Variants in SNX27 observed in about 807,000 individuals in gnomAD.
The protein encoded by SNX27 is sorting nexin 27.
In SNX27, 22 loss-of-function variants were observed where a neutral mutation model predicts 71.6. The ratio of observed to expected loss-of-function variants is 0.31; its 90% confidence interval spans 0.22 to 0.44. The LOEUF is 0.44. Among genes scored for constraint, SNX27 ranks in the 20% least tolerant of loss-of-function variants. SNX27 has a pLI of 1.00. For synonymous variants in SNX27, 269 were observed against 277.2 expected, an observed-to-expected ratio of 0.97 and a Z score of 0.29; for missense variants, 531 against 698.6, an observed-to-expected ratio of 0.76 and a Z score of 2.70.
At chr1:151,662,076 C>T in intron 4 of SNX27, 90 bp from the exon 5 acceptor site, 10 of 794,504 alleles carry the variant, frequency 1.3e-5, no homozygotes, top group South Asian at 7.0e-5. Flanking sequence ...TCTTCTCTAC[C>T]ACGTTTTAGG....
chr1:151,692,160 G>A (rs950414736), intron 8 of SNX27, among the ~76,000 whole-genome samples: 1 of 152,134 alleles, frequency 6.6e-6, no homozygotes, highest in South Asian at 2.1e-4. Flanking sequence ...GGAGGTTGAG[G>A]TTTCAGTGAG....
chr1:151,642,779 C>T (rs1668836531), intron 2 of SNX27, among the ~76,000 whole-genome samples: 1 of 151,864 alleles, frequency 6.6e-6, no homozygotes, highest in African/African-American at 2.4e-5. Context: ...GCTGGGACTA[C>T]AAGTGTCTGC....
At chr1:151,686,192 AC>A (rs776797232) in intron 8 of SNX27, among the ~76,000 whole-genome samples, 16 of 152,236 alleles carry the variant, frequency 1.1e-4, no homozygotes, top group Non-Finnish European at 2.4e-4. Flanking sequence ...TGGAATACAT[AC>A]TGTTTCTTTG....
At position 151,698,113 on chromosome 1, in the gene SNX27, TCA is replaced by T. The variant is rs1224272039; in HGVS notation, c.*3697_*3698del. On this transcript the variant is annotated 3_prime_UTR_variant, in exon 12 of 12. Transcript: ENST00000458013. ...CAGCTCCTAGGCCTGGACTGAGCTC[TCA>T]GGGGGGAATTAGATAAATATTCCAA... 2.0e-5 allele frequency: 3 copies of T among 148,784 alleles called. No individual in the cohort carries two copies. In the East Asian group the frequency reaches 6.7e-4, roughly 33 times the overall value. 9.2% of individuals were successfully genotyped at this position (148,784 alleles called of 1,614,324 possible).
At chr1:151,654,536 G>A (rs1476163379) in intron 2 of SNX27, among the ~76,000 whole-genome samples, 2 of 152,080 alleles carry the variant, frequency 1.3e-5, no homozygotes, top group Middle Eastern at 3.2e-3. Context: ...CCCTGAAGAA[G>A]TGGATCTTTG....
intron 4 of SNX27, chr1:151,661,677 A>G (rs1669970492): frequency 6.6e-6 from 1 of 152,498 alleles, no homozygotes. Flanking sequence ...TTTGAAAGGA[A>G]AAATGGATGA....
At chr1:151,657,310 C>T (rs146167878) in intron 2 of SNX27, among the ~76,000 whole-genome samples, 18 of 152,194 alleles carry the variant, frequency 1.2e-4, no homozygotes, top group African/African-American at 3.6e-4. Context: ...GGACTACAGG[C>T]GCATGCCACC....
At chr1:151,637,387 C>T (rs1260862946) in intron 1 of SNX27, among the ~76,000 whole-genome samples, 1 of 151,984 alleles carries the variant, frequency 6.6e-6, no homozygotes, top group Non-Finnish European at 1.5e-5. Context: ...ACCGTGTTAG[C>T]CAGGAAGGTC....
intron 1 of SNX27, among the ~76,000 whole-genome samples, chr1:151,627,384 A>G (rs992209158): frequency 6.6e-6 from 1 of 152,236 alleles, no homozygotes; most frequent in Non-Finnish European, 1.5e-5. Flanking sequence ...ACTTATTGGT[A>G]GTCCCTTTTG....
intron 1 of SNX27, among the ~76,000 whole-genome samples, chr1:151,637,663 A>G (rs953959582): frequency 6.6e-6 from 1 of 152,164 alleles, no homozygotes; most frequent in African/African-American, 2.4e-5. Context: ...CTAGATTGTT[A>G]AACCCTAAAT....
chr1:151,674,173 A>G (rs1422678931), intron 7 of SNX27, among the ~76,000 whole-genome samples: 2 of 151,530 alleles, frequency 1.3e-5, no homozygotes, highest in African/African-American at 4.9e-5. Flanking sequence ...TGGTGATATG[A>G]TTTAGTTTCT....
intron 8 of SNX27, 102 bp from the exon 9 acceptor site, chr1:151,692,333 T>TTTC: frequency 7.3e-7 from 1 of 1,371,588 alleles, no homozygotes; most frequent in South Asian, 1.6e-5. Context: ...CTTTGTTCTT[T>TTTC]TTCTTGCACC....
At chr1:151,641,773 ATATC>A (rs57586269) in intron 2 of SNX27, among the ~76,000 whole-genome samples, 63,616 of 117,046 alleles carry the variant, frequency 0.54, 20,513 homozygotes, top group Non-Finnish European at 0.69. Context: ...TATGCTATAT[ATATC>A]TGATATATAT....
chr1:151,664,235 T>C (rs914315274), intron 5 of SNX27, among the ~76,000 whole-genome samples: 9 of 147,252 alleles, frequency 6.1e-5, no homozygotes, highest in Non-Finnish European at 1.3e-4. Context: ...CATTATGAAA[T>C]AGTATATATT....
At chr1:151,679,714 T>G (rs146086112) in intron 7 of SNX27, 1 of 152,304 alleles carries the variant, frequency 6.6e-6, no homozygotes, top group Admixed American at 6.5e-5. Context: ...CATAGCATAG[T>G]ATATAGCTTA....
At chr1:151,673,854 C>A (rs1419092594) in intron 7 of SNX27, among the ~76,000 whole-genome samples, 1 of 152,106 alleles carries the variant, frequency 6.6e-6, no homozygotes, top group African/African-American at 2.4e-5. Flanking sequence ...AGTATAGCTA[C>A]TTCTGTTCTG....
intron 5 of SNX27, among the ~76,000 whole-genome samples, chr1:151,663,707 C>T (rs1054163319): frequency 6.6e-6 from 1 of 152,108 alleles, no homozygotes; most frequent in Non-Finnish European, 1.5e-5. Context: ...CATAATTGGT[C>T]CTGTATACTT....
At chr1:151,659,372 C>T (rs1341891646) in intron 3 of SNX27, among the ~76,000 whole-genome samples, 1 of 152,078 alleles carries the variant, frequency 6.6e-6, no homozygotes, top group African/African-American at 2.4e-5. Context: ...CTCGGCCTCC[C>T]GAGTAGCTGG....
intron 6 of SNX27, chr1:151,666,543 T>C (rs1670196446): frequency 6.6e-6 from 1 of 152,272 alleles, no homozygotes; most frequent in Non-Finnish European, 1.5e-5. Context: ...GGTGGTCACA[T>C]TGGTTGCATT....
Sources: allele counts gnomAD v4.1 joint callset (sites outside exome capture counted in the v4.1 genomes callset), GRCh38; gene constraint gnomAD v4.1.1; transcripts MANE v1.5; gene names NCBI Gene and HGNC (gene_info 2026-07-23, HGNC 2026-07-21).